FBXL18: variants seen among roughly 807,000 people sequenced by gnomAD.
FBXL18 encodes the protein F-box/LRR-repeat protein 18.
In FBXL18, 36 loss-of-function variants were observed where a neutral mutation model predicts 46.0. That is an observed-to-expected ratio of 0.78 (90% confidence interval 0.60 to 1.03). The LOEUF is 1.03. Among genes scored for constraint, FBXL18 ranks in the 50% least tolerant of loss-of-function variants. FBXL18 has a pLI of 0.00. For missense variants in FBXL18, 977 were observed against 1,004.1 expected, an observed-to-expected ratio of 0.97 and a Z score of 0.36; for synonymous variants, 557 against 465.3, an observed-to-expected ratio of 1.20 and a Z score of -2.54.
intron 4 of FBXL18, among the ~76,000 whole-genome samples, chr7:5,457,344 C>T (rs1243713241): frequency 1.6e-4 from 25 of 152,250 alleles, no homozygotes; most frequent in Non-Finnish European, 1.5e-5. Flanking sequence ...AGGAATCCCA[C>T]AGCCCAGCTG....
At chr7:5,507,411 G>C (rs1053154375) in intron 1 of FBXL18, among the ~76,000 whole-genome samples, 3 of 152,122 alleles carry the variant, frequency 2.0e-5, no homozygotes, top group Non-Finnish European at 4.4e-5. Flanking sequence ...TGGGAACAAA[G>C]AAGTACCCTC....
chr7:5,513,400 C>T (rs933943698), intron 1 of FBXL18, among the ~76,000 whole-genome samples: 1 of 151,894 alleles, frequency 6.6e-6, no homozygotes, highest in African/African-American at 2.4e-5. Flanking sequence ...GACGGAGAGA[C>T]GGGGACAACT....
rs1001570591 is a variant in FBXL18 at position 5,487,851 on chromosome 7, C to T, written c.2000+3380G>A. On this transcript the variant is annotated intron_variant, in intron 4 of 4. Transcript: ENST00000382368. Reference sequence around the variant, plus strand: ...ACAGGCCTGGGTGCTGCACCAGGTGCGGGACATCGGAGGGGGAGGGGTGGG... The same window carrying T: ...ACAGGCCTGGGTGCTGCACCAGGTGTGGGACATCGGAGGGGGAGGGGTGGG... 4.0e-5 allele frequency among the ~76,000 whole-genome samples: 5 copies of T among 124,234 alleles called. No homozygotes were observed. In the South Asian group the frequency reaches 8.8e-4, roughly 22 times the overall value. 81.5% of individuals were successfully genotyped at this position (124,234 alleles called of 152,430 possible). A position where few individuals can be genotyped will look rare whatever the true frequency, so the allele number is the denominator to read the frequency against.
Position 5,498,041 on chromosome 7 carries a change from C to T in FBXL18, c.1781+2447G>A, listed in dbSNP as rs184526398. Among the ~76,000 whole-genome samples, 14 of 151,918 alleles carry T rather than the reference C, an allele frequency of 9.2e-5. No individual in the cohort carries two copies. The East Asian group carries it at 2.7e-3, about 29-fold the overall frequency. ...TGGTAGTACTGAGGCTCAAGGCCTT[C>T]ACTACCTTTTGGGTAATTTTTTTTC... On this transcript the variant is annotated intron_variant, in intron 3 of 4. Transcript: ENST00000382368.
At chr7:5,511,939 T>TA (rs1784545459) in intron 1 of FBXL18, among the ~76,000 whole-genome samples, 1 of 150,060 alleles carries the variant, frequency 6.7e-6, no homozygotes, top group Admixed American at 6.6e-5. Flanking sequence ...AAAAGAGAAA[T>TA]AAAAATAAAG....
At chr7:5,457,943 CT>C (rs1488579795) in intron 4 of FBXL18, among the ~76,000 whole-genome samples, 1 of 152,136 alleles carries the variant, frequency 6.6e-6, no homozygotes, top group Non-Finnish European at 1.5e-5. Flanking sequence ...GCGCTGCCAG[CT>C]TCCTCACTCA....
Position 5,481,346 on chromosome 7 carries a change from G to T in FBXL18, c.*429C>A, listed in dbSNP as rs1265077138. 5.7e-6 allele frequency: 1 copy of T among 176,762 alleles called. No individual in the cohort carries two copies. The highest frequency in any genetic ancestry group is 2.4e-5 in the African/African-American group (1 of 41,548). The allele number at this position is 176,762 out of a possible 1,614,324, so 10.9% of individuals were successfully genotyped here. On this transcript the variant is annotated 3_prime_UTR_variant, in exon 5 of 5. Transcript: ENST00000382368. Reference sequence around the variant, plus strand: ...CTGGACTTCAGGGGGACAGCATGTGGCCGCCCATCCACGGGGCCCCGGTGG... The same window carrying T: ...CTGGACTTCAGGGGGACAGCATGTGTCCGCCCATCCACGGGGCCCCGGTGG...
intron 4 of FBXL18, among the ~76,000 whole-genome samples, chr7:5,470,046 G>C (rs907612170): frequency 1.3e-5 from 2 of 152,030 alleles, no homozygotes; most frequent in Non-Finnish European, 2.9e-5. Context: ...TTGGACGAGT[G>C]AGTGCACATG....
In FBXL18 at chr7:5,481,379, C is replaced by T. The variant is rs569752019; in HGVS notation, c.*396G>A. 1 of 170,822 alleles carries T rather than the reference C, an allele frequency of 5.9e-6. No homozygotes were observed. Among genetic ancestry groups the T allele is most frequent in the East Asian group, 1.8e-4 (1 of 5,480 alleles). 10.6% of individuals were successfully genotyped at this position (170,822 alleles called of 1,614,324 possible). ...TCCACGGGGCCCCGGTGGCAGGTGA[C>T]CACAAACACAACAGCCAAGGGACAC... On this transcript the variant is annotated 3_prime_UTR_variant, in exon 5 of 5. Coordinates refer to ENST00000382368, the MANE Select transcript of FBXL18 (RefSeq NM_024963.6).
chr7:5,495,698 A>G, intron 3 of FBXL18: 1 of 361,300 alleles, frequency 2.8e-6, no homozygotes, highest in Non-Finnish European at 5.7e-6. Flanking sequence ...GCCAGCCTCC[A>G]GGGATCCCAG....
At chr7:5,464,029 C>T (rs1023720138) in intron 4 of FBXL18, among the ~76,000 whole-genome samples, 4 of 151,972 alleles carry the variant, frequency 2.6e-5, no homozygotes, top group East Asian at 3.9e-4. Flanking sequence ...TGAGCCACCG[C>T]GCACCTGGCC....
chr7:5,463,728 A>ATTTATTTATTTATTTTTTTT (rs1562672288), intron 4 of FBXL18, among the ~76,000 whole-genome samples: 1 of 53,034 alleles, frequency 1.9e-5, no homozygotes, highest in Non-Finnish European at 3.3e-5. Context: ...TTATTTATTT[A>ATTTATTTATTTATTTTTTTT]TTTTTTTTTT....
chr7:5,456,031 T>C (rs551776763), intron 4 of FBXL18, among the ~76,000 whole-genome samples: 12 of 152,138 alleles, frequency 7.9e-5, no homozygotes, highest in African/African-American at 2.9e-4. Context: ...CCGCAGTCCT[T>C]CTCAGCATCT....
chr7:5,495,935 G>A (rs1253739549), intron 3 of FBXL18: 10 of 470,656 alleles, frequency 2.1e-5, no homozygotes, highest in Non-Finnish European at 4.0e-5. Flanking sequence ...CACAGAGATG[G>A]CATTATGAGC....
In FBXL18 at chr7:5,500,708, C is replaced by T. The variant is rs556808610; in HGVS notation, c.1561G>A (p.Asp521Asn). ...PPCSRAQSVG[D>N]SEVAAIGQLA... ...TGGCCGATGGCGGCCACCTCCGAGTCCCCGACACTCTGTGCGCGGCTGCAG... is the reference window on the plus strand; with the variant it reads ...TGGCCGATGGCGGCCACCTCCGAGTTCCCGACACTCTGTGCGCGGCTGCAG... Residue 521 changes from aspartate (D) to asparagine (N), a missense_variant, in exon 3 of 5, where the codon GAC becomes AAC. Transcript: ENST00000382368. 2 of 1,611,316 alleles carry T rather than the reference C, an allele frequency of 1.2e-6. No individual in the cohort carries two copies. The highest frequency in any genetic ancestry group is 1.1e-5 in the South Asian group (1 of 90,924).
intron 4 of FBXL18, among the ~76,000 whole-genome samples, chr7:5,490,469 G>A (rs923888134): frequency 1.1e-4 from 17 of 152,342 alleles, no homozygotes; most frequent in Admixed American, 9.8e-4. Context: ...GCCCTGTCAC[G>A]AGGGGAAGCG....
At chr7:5,461,514 G>C (rs770204358) in intron 4 of FBXL18, among the ~76,000 whole-genome samples, 8 of 152,224 alleles carry the variant, frequency 5.3e-5, no homozygotes, top group Non-Finnish European at 1.0e-4. Flanking sequence ...GTGGTGGTGA[G>C]TGCCTGTAGT....
chr7:5,474,750 C>G (rs1456944846), downstream of FBXL18, among the ~76,000 whole-genome samples: 1 of 150,522 alleles, frequency 6.6e-6, no homozygotes, highest in Non-Finnish European at 1.5e-5. Flanking sequence ...CTCTGTCACC[C>G]AGGCTGGAGT....
At chr7:5,502,401 G>A (rs1784290011) in intron 2 of FBXL18, among the ~76,000 whole-genome samples, 1 of 152,036 alleles carries the variant, frequency 6.6e-6, no homozygotes, top group African/African-American at 2.4e-5. Flanking sequence ...CAGGCATGGT[G>A]GTGTGCGCCT....
Sources: gnomAD v4.1 joint callset for allele counts (sites outside exome capture counted in the v4.1 genomes callset) on GRCh38, gnomAD v4.1.1 for gene constraint, MANE v1.5 for transcripts, NCBI Gene and HGNC (gene_info 2026-07-23, HGNC 2026-07-21) for gene names.